The following TTC3 variants were observed in gnomAD, a reference collection of about 807,000 sequenced individuals.
TTC3 encodes E3 ubiquitin-protein ligase TTC3.
In TTC3, 180 loss-of-function variants were observed where a neutral mutation model predicts 249.6. That is an observed-to-expected ratio of 0.72 (90% CI 0.64 to 0.82). The LOEUF is 0.82. Among genes scored for constraint, TTC3 ranks in the 40% least tolerant of loss-of-function variants. The probability of loss-of-function intolerance (pLI) is 0.00; values close to 1 mark genes in which losing one functional copy is unlikely to be tolerated. For missense variants in TTC3, 2,061 were observed against 2,398.4 expected (o/e 0.86, Z 2.94); for synonymous variants, 717 against 805.0 (o/e 0.89, Z 1.85).
rs372017532 is a variant in TTC3, at chr21:37,111,151, G to A, written c.900+2705G>A. Among the ~76,000 whole-genome samples, 1,037 of 152,166 alleles carry A rather than the reference G, an allele frequency of 6.8e-3. 15 individuals carry two copies. Among genetic ancestry groups the A allele is most frequent in the African/African-American group, 0.021 (881 of 41,512 alleles). ...CTAGGAAGAAACTGCATCAACTAAC[G>A]AGCAAAATAACCAGCTAACATCATA... On this transcript the variant is annotated intron_variant, in intron 11 of 45. Transcript: ENST00000355666.
At chr21:37,110,859 G>A (rs541505137) in intron 11 of TTC3, among the ~76,000 whole-genome samples, 27 of 152,208 alleles carry the variant, frequency 1.8e-4, no homozygotes, top group Middle Eastern at 3.4e-3. Flanking sequence ...CTGATCTCTC[G>A]GCAGAAACTC....
chr21:37,161,123 A>G (rs1412981644), intron 30 of TTC3, among the ~76,000 whole-genome samples: 1 of 151,710 alleles, frequency 6.6e-6, no homozygotes, highest in Non-Finnish European at 1.5e-5. Flanking sequence ...AAATTGTCAT[A>G]ATGTCCCAAA....
At position 37,197,877 on chromosome 21, in the gene TTC3, C is replaced by T. The variant is rs1407133938; in HGVS notation, c.5707-5C>T. ...CCCTCCCCGCCACCCCTGTTATTTT[C>T]GCAGCCAAACCCAGGAAAGGACAAG... On this transcript the variant is annotated splice_region_variant and splice_polypyrimidine_tract_variant and intron_variant, in intron 43 of 45. Coordinates refer to ENST00000355666, the Ensembl canonical transcript of TTC3. 4.4e-6 allele frequency: 7 copies of T among 1,608,970 alleles called. No homozygotes were observed. Among genetic ancestry groups the T allele is most frequent in the Admixed American group, 3.4e-5 (2 of 58,366 alleles).
exon 4 of TTC3, chr21:37,088,337 T>C: frequency 1.2e-6 from 2 of 1,612,004 alleles, no homozygotes; most frequent in East Asian, 4.5e-5. Context: ...CATCCCTGTG[T>C]GGACGCCAAG....
rs2073646729 is a variant in TTC3 at position 37,094,100 on chromosome 21, A to C, written c.687+10A>C. On this transcript the variant is annotated intron_variant, in intron 8 of 45. Transcript: ENST00000355666. ...TATGGATTGTATAGAGGTGAGAATG[A>C]ATATTATAAATATATTTTAAGATTT... 6.7e-7 allele frequency: 1 copy of C among 1,483,896 alleles called. No individual in the cohort carries two copies. The highest frequency in any genetic ancestry group is 9.1e-7 in the Non-Finnish European group (1 of 1,093,006). 91.9% of individuals were successfully genotyped at this position (1,483,896 alleles called of 1,614,324 possible).
At chr21:37,195,678 C>A in exon 42 of TTC3, 1 of 1,603,118 alleles carries the variant, frequency 6.2e-7, no homozygotes, top group South Asian at 1.1e-5. Context: ...CTCACAGGTT[C>A]ATCCCGAGTT....
chr21:37,148,777 G>A lies in TTC3; in HGVS notation c.2118+130G>A, dbSNP rs2079201120. The A allele has an allele frequency of 6.5e-6, 4 of 614,546 alleles. No homozygotes were observed. In the South Asian group the frequency reaches 8.2e-5, roughly 13 times the overall value. 38.1% of individuals were successfully genotyped at this position (614,546 alleles called of 1,614,324 possible). On this transcript the variant is annotated intron_variant, in intron 23 of 45. Coordinates refer to ENST00000355666, the Ensembl canonical transcript of TTC3. ...TAAATTATAACTTTAATAATAAAGT[G>A]GAAAATCAAATTTGTTTTTATTTGG...
intron 10 of TTC3, among the ~76,000 whole-genome samples, chr21:37,102,489 C>T (rs1266732322): frequency 1.3e-5 from 2 of 152,202 alleles, no homozygotes; most frequent in African/African-American, 2.4e-5. Flanking sequence ...CAAATATTGC[C>T]TTTATTACTG....
intron 1 of TTC3, 33 bp from the exon 2 acceptor site, chr21:37,087,214 A>C: frequency 1.2e-6 from 2 of 1,602,460 alleles, no homozygotes; most frequent in Non-Finnish European, 1.7e-6. Flanking sequence ...CAAATGATTT[A>C]ATTACTGACT....
chr21:37,081,027 T>C (rs1053348092), intron 1 of TTC3, among the ~76,000 whole-genome samples: 1 of 151,722 alleles, frequency 6.6e-6, no homozygotes, highest in Non-Finnish European at 1.5e-5. Flanking sequence ...CAATTGTAGG[T>C]TGGTGTTTCT....
chr21:37,127,750 A>AT (rs938360509), intron 15 of TTC3, among the ~76,000 whole-genome samples: 2 of 151,836 alleles, frequency 1.3e-5, no homozygotes, highest in African/African-American at 4.8e-5. Flanking sequence ...AGCCATTTCT[A>AT]TTTTTTGTGA....
At chr21:37,176,129 AT>A (rs1295688101) in intron 35 of TTC3, among the ~76,000 whole-genome samples, 1 of 152,138 alleles carries the variant, frequency 6.6e-6, no homozygotes, top group Non-Finnish European at 1.5e-5. Flanking sequence ...TGTTGTTTTT[AT>A]TGTACCCTAA....
chr21:37,195,491 ATAAC>A (rs2084782471), intron 41 of TTC3, among the ~76,000 whole-genome samples, 180 bp from the exon 42 acceptor site: 2 of 152,228 alleles, frequency 1.3e-5, no homozygotes, highest in African/African-American at 4.8e-5. Context: ...TCTTGTTCTA[ATAAC>A]TAACAAGTTA....
intron 30 of TTC3, 24 bp downstream of exon 30, chr21:37,160,882 T>G: frequency 1.2e-6 from 2 of 1,608,346 alleles, no homozygotes; most frequent in Non-Finnish European, 1.7e-6. Context: ...TCTGTATTAA[T>G]TCTTGTCTAA....
chr21:37,127,022 T>C (rs768909575), intron 15 of TTC3, among the ~76,000 whole-genome samples: 13 of 152,134 alleles, frequency 8.5e-5, no homozygotes, highest in South Asian at 2.1e-4. Context: ...ACCAGGCTAA[T>C]TTTTGTATTT....
At chr21:37,166,901 A>T (rs941300918) in intron 33 of TTC3, among the ~76,000 whole-genome samples, 4 of 152,178 alleles carry the variant, frequency 2.6e-5, no homozygotes, top group African/African-American at 9.7e-5. Context: ...CATCCTAAGA[A>T]TTAATAAAGG....
chr21:37,090,281 G>A, exon 6 of TTC3: 1 of 1,604,744 alleles, frequency 6.2e-7, no homozygotes, highest in Non-Finnish European at 8.5e-7. Flanking sequence ...TTGTAAAATA[G>A]AAAATGTAAG....
chr21:37,111,705 G>A (rs1405222091), intron 11 of TTC3, among the ~76,000 whole-genome samples: 2 of 152,102 alleles, frequency 1.3e-5, no homozygotes, highest in Non-Finnish European at 2.9e-5. Context: ...GGACCTAATA[G>A]ACATCTGCAG....
chr21:37,091,387 C>T, exon 7 of TTC3: 1 of 1,609,656 alleles, frequency 6.2e-7, no homozygotes, highest in African/African-American at 1.3e-5. Flanking sequence ...AATTGTTGGC[C>T]TATGTTAAGT....
Sources: gnomAD v4.1 joint callset for allele counts (sites outside exome capture counted in the v4.1 genomes callset) on GRCh38, gnomAD v4.1.1 for gene constraint, MANE v1.5 for transcripts, NCBI Gene and HGNC (gene_info 2026-07-23, HGNC 2026-07-21) for gene names.